The following HERC5 variants were observed in gnomAD, a reference collection of about 807,000 sequenced individuals.
The protein encoded by HERC5 is E3 ISG15--protein ligase HERC5.
A neutral mutation model predicts 119.6 loss-of-function variants in HERC5; 99 were observed. That is an observed-to-expected ratio of 0.83 (90% CI 0.70 to 0.98). The LOEUF (loss-of-function observed/expected upper bound fraction) is 0.98. Among genes scored for constraint, HERC5 ranks in the 50% least tolerant of loss-of-function variants. The probability of loss-of-function intolerance (pLI) is 0.00; values close to 1 mark genes in which losing one functional copy is unlikely to be tolerated. For missense variants in HERC5, 1,267 were observed against 1,241.3 expected, an observed-to-expected ratio of 1.02 and a Z score of -0.31; for synonymous variants, 478 against 445.9, an observed-to-expected ratio of 1.07 and a Z score of -0.91.
intron 6 of HERC5, among the ~76,000 whole-genome samples, chr4:88,466,089 G>GTT (rs1299764703): frequency 9.2e-5 from 13 of 140,588 alleles, no homozygotes; most frequent in Admixed American, 1.4e-4. Flanking sequence ...TGGTTTGGTG[G>GTT]TTTTTTTTTT....
Position 88,469,154 on chromosome 4 carries a change from C to T in HERC5, c.1135-3C>T. ...TGTATTTTACTTTCCTGTTTGTTTA[C>T]AGAATTCATATGTTAATCTGAAGAG... On this transcript the variant is annotated splice_region_variant and splice_polypyrimidine_tract_variant and intron_variant, in intron 8 of 22. Coordinates refer to ENST00000264350, the MANE Select transcript of HERC5 (RefSeq NM_016323.4). 6.3e-7 allele frequency: 1 copy of T among 1,588,018 alleles called. No individual in the cohort carries two copies.
At chr4:88,475,779 TCAGTTG>T in intron 11 of HERC5, 56 bp from the exon 12 acceptor site, 1 of 1,335,518 alleles carries the variant, frequency 7.5e-7, no homozygotes, top group East Asian at 2.3e-5. Context: ...TTTATTACCA[TCAGTTG>T]CACCCTGCTT....
intron 20 of HERC5, 118 bp downstream of exon 20, chr4:88,501,103 C>A: frequency 3.0e-6 from 2 of 656,844 alleles, no homozygotes; most frequent in Non-Finnish European, 2.6e-6. Context: ...TTCACTAAGG[C>A]AGAGAAGTTG....
chr4:88,503,187 G>T (rs1056492874), intron 20 of HERC5, among the ~76,000 whole-genome samples: 1 of 152,012 alleles, frequency 6.6e-6, no homozygotes, highest in East Asian at 1.9e-4. Flanking sequence ...TTAGTAAGAT[G>T]CAAGGTATGG....
chr4:88,493,031 T>C lies in HERC5; in HGVS notation c.2153T>C (p.Ile718Thr). ...KELWVSFSGE[I>T]GYDLGGVKKE... is the part of the protein sequence containing the mutation. ...CCTCAGGTTTCATTTAGTGGAGAAA[T>C]TGGGTATGACCTCGGAGGAGTCAAG... is the stretch of plus-strand genomic sequence containing the variant. Residue 718 changes from isoleucine (I) to threonine (T), a missense_variant, in exon 17 of 23, where the codon ATT becomes ACT. Physicochemically the swap from Ile to Thr is moderately conservative, Grantham distance 89. Transcript: ENST00000264350. 2 of 1,613,732 alleles carry C rather than the reference T, an allele frequency of 1.2e-6. No individual in the cohort carries two copies. Among genetic ancestry groups the C allele is most frequent in the Non-Finnish European group, 1.7e-6 (2 of 1,179,818 alleles).
chr4:88,495,538 C>T (rs773825610), intron 18 of HERC5, among the ~76,000 whole-genome samples: 11 of 151,738 alleles, frequency 7.2e-5, no homozygotes, highest in Non-Finnish European at 1.6e-4. Context: ...CCAGCCTGGG[C>T]GACAGTAGAA....
chr4:88,477,719 C>T (rs552507176), intron 12 of HERC5, among the ~76,000 whole-genome samples: 2 of 152,184 alleles, frequency 1.3e-5, no homozygotes, highest in South Asian at 2.1e-4. Flanking sequence ...TCCAGTACAC[C>T]GCAAGTAAGT....
intron 19 of HERC5, among the ~76,000 whole-genome samples, chr4:88,500,702 TTAAAA>T (rs748440675): frequency 3.9e-5 from 6 of 152,390 alleles, no homozygotes; most frequent in Middle Eastern, 3.4e-3. Context: ...ATTTGATCAG[TTAAAA>T]TAAGAGAATT....
chr4:88,464,045 T>G, intron 6 of HERC5, 60 bp downstream of exon 6: 8 of 1,426,820 alleles, frequency 5.6e-6, no homozygotes, highest in Non-Finnish European at 6.6e-6. Flanking sequence ...AGATAGTAAT[T>G]TAATAAAATT....
intron 18 of HERC5, among the ~76,000 whole-genome samples, chr4:88,497,788 G>T (rs1195867432): frequency 6.6e-6 from 1 of 152,092 alleles, no homozygotes; most frequent in Non-Finnish European, 1.5e-5. Flanking sequence ...GTGTGGATGG[G>T]TGGAAGCCTG....
At chr4:88,502,202 A>G (rs868701308) in intron 20 of HERC5, among the ~76,000 whole-genome samples, 10 of 152,266 alleles carry the variant, frequency 6.6e-5, no homozygotes, top group Middle Eastern at 3.4e-3. Context: ...ATGTGCAGGC[A>G]TTTCTGTTGG....
rs373617373 is a variant in HERC5, at chr4:88,463,650, C to G, written c.780+27C>G. The G allele has an allele frequency of 3.2e-6, 5 of 1,581,116 alleles. No homozygotes were observed. The African/African-American group carries it at 6.8e-5, about 21-fold the overall frequency. On this transcript the variant is annotated intron_variant, in intron 5 of 22. Coordinates refer to ENST00000264350, the MANE Select transcript of HERC5 (RefSeq NM_016323.4). ...TGGGTGTACCCTTGTCTCTTTTTGG[C>G]TGTATTTTTAGAAGAACAGTTTGTA...
rs182938130 is a variant in HERC5, at chr4:88,461,261, A to C, written c.467-874A>C. On this transcript the variant is annotated intron_variant, in intron 3 of 22. Coordinates refer to ENST00000264350, the MANE Select transcript of HERC5 (RefSeq NM_016323.4). ...CATGAACAAATATTTCATATTATCT[A>C]CTGTGTTCGGATTATGAAGATGAAA... is the stretch of plus-strand genomic sequence containing the variant. 1.4e-3 allele frequency among the ~76,000 whole-genome samples: 210 copies of C among 152,274 alleles called. 1 individual carries two copies. The highest frequency in any genetic ancestry group is 4.8e-3 in the African/African-American group (201 of 41,552).
At chr4:88,502,891 A>C (rs1234020518) in intron 20 of HERC5, among the ~76,000 whole-genome samples, 3 of 150,978 alleles carry the variant, frequency 2.0e-5, no homozygotes, top group Non-Finnish European at 2.9e-5. Context: ...AGTTTATGAG[A>C]GTTCTAGATG....
chr4:88,491,350 T>G (rs1171620977), intron 16 of HERC5, among the ~76,000 whole-genome samples: 1 of 152,200 alleles, frequency 6.6e-6, no homozygotes, highest in Non-Finnish European at 1.5e-5. Context: ...GCACTGAATC[T>G]GAAGGTTAAA....
intron 18 of HERC5, among the ~76,000 whole-genome samples, chr4:88,496,341 C>A (rs1741794448): frequency 6.6e-6 from 1 of 152,076 alleles, no homozygotes. Context: ...TCAAGAATAG[C>A]CAGAAATAAT....
intron 10 of HERC5, among the ~76,000 whole-genome samples, chr4:88,471,906 TTTATC>T (rs1298350486): frequency 6.6e-6 from 1 of 151,922 alleles, no homozygotes; most frequent in Non-Finnish European, 1.5e-5. Flanking sequence ...TCGAAAAACC[TTTATC>T]TTTTTTCTAT....
intron 12 of HERC5, among the ~76,000 whole-genome samples, chr4:88,478,916 A>G (rs1741174684): frequency 6.6e-6 from 1 of 152,114 alleles, no homozygotes; most frequent in Admixed American, 6.5e-5. Context: ...CTGGCCTACC[A>G]AAAAAATGTT....
intron 14 of HERC5, 45 bp from the exon 15 acceptor site, chr4:88,487,024 C>A: frequency 7.4e-7 from 1 of 1,349,848 alleles, no homozygotes; most frequent in Non-Finnish European, 1.0e-6. Flanking sequence ...TGTAAGGTTT[C>A]TCTGTCCTTT....
Sources: allele counts gnomAD v4.1 joint callset (sites outside exome capture counted in the v4.1 genomes callset), GRCh38; gene constraint gnomAD v4.1.1; transcripts MANE v1.5; gene names NCBI Gene and HGNC (gene_info 2026-07-23, HGNC 2026-07-21).